The following TIAM2 variants were observed in gnomAD, a reference collection of about 807,000 sequenced individuals.
TIAM2 encodes TIAM Rac1 associated GEF 2, also known as rho guanine nucleotide exchange factor TIAM2.
A neutral mutation model predicts 152.9 loss-of-function variants in TIAM2; 80 were observed. That is an observed-to-expected ratio of 0.52 (90% CI 0.44 to 0.63). The LOEUF (loss-of-function observed/expected upper bound fraction) is 0.63, where lower values mean the gene tolerates loss of function less well. Ranked by LOEUF, TIAM2 falls within the 30% of genes least tolerant of loss-of-function variation. The probability of loss-of-function intolerance (pLI) is 0.00; values close to 1 mark genes in which losing one functional copy is unlikely to be tolerated. For synonymous variants in TIAM2, 804 were observed against 838.0 expected (o/e 0.96, Z 0.70); for missense variants, 1,965 against 2,120.1 (o/e 0.93, Z 1.44).
rs192700703 is a variant in TIAM2 at position 155,187,873 on chromosome 6, C to T, written c.3064+4373C>T. ...GATTACACGTGTGAGTCACTGTGCT[C>T]GGCCGCAAGCCCCATTTTTAACTTG... On this transcript the variant is annotated intron_variant, in intron 14 of 26. Transcript: ENST00000682666. Among the ~76,000 whole-genome samples the T allele has an allele frequency of 4.8e-3, 728 of 152,182 alleles. 8 individuals carry two copies. Among genetic ancestry groups the T allele is most frequent in the African/African-American group, 0.017 (693 of 41,508 alleles).
intron 2 of TIAM2, among the ~76,000 whole-genome samples, chr6:155,126,723 C>T (rs1200124944): frequency 1.3e-5 from 2 of 148,172 alleles, no homozygotes; most frequent in Admixed American, 6.8e-5. Flanking sequence ...AAGAACAAAA[C>T]TCTGTCTCAA....
intron 15 of TIAM2, chr6:155,216,821 T>C (rs1781871137): frequency 1.0e-6 from 1 of 991,808 alleles, no homozygotes; most frequent in Non-Finnish European, 1.3e-6. Flanking sequence ...GGTGCCTTTC[T>C]AGAGCAGGCA....
At chr6:155,066,250 C>G (rs1277005465) in intron 1 of TIAM2, among the ~76,000 whole-genome samples, 1 of 97,480 alleles carries the variant, frequency 1.0e-5, no homozygotes. Flanking sequence ...TTGAAGCCTC[C>G]ACTTCCATCT....
chr6:155,142,418 A>G (rs1263387572), intron 5 of TIAM2, among the ~76,000 whole-genome samples: 1 of 152,130 alleles, frequency 6.6e-6, no homozygotes, highest in Non-Finnish European at 1.5e-5. Context: ...GTTTGCATTC[A>G]TTTCCTCTAG....
At chr6:155,164,312 C>T (rs906807299) in intron 7 of TIAM2, 103 bp from the exon 8 acceptor site, 29 of 1,154,538 alleles carry the variant, frequency 2.5e-5, no homozygotes, top group South Asian at 4.9e-5. Flanking sequence ...GCAGACCAGC[C>T]GAAACTAATT....
chr6:155,255,659 AGTT>A lies in TIAM2; in HGVS notation c.4469-821_4469-819del, dbSNP rs1783956869. ...ACACCTATAACATAAAATTTCAGAA[AGTT>A]GTTTTGAAATTCCAGCAGAGACAGT... On this transcript the variant is annotated intron_variant, in intron 26 of 26. Transcript: ENST00000682666. 3 of 151,760 alleles carry A rather than the reference AGTT, an allele frequency of 2.0e-5. No homozygotes were observed. In the South Asian group the frequency reaches 6.2e-4, roughly 31 times the overall value. 9.4% of individuals were successfully genotyped at this position (151,760 alleles called of 1,614,324 possible).
At chr6:155,099,716 G>C (rs549685458) in intron 2 of TIAM2, among the ~76,000 whole-genome samples, 1 of 152,242 alleles carries the variant, frequency 6.6e-6, no homozygotes, top group Admixed American at 6.5e-5. Flanking sequence ...GATTTGTCTG[G>C]GTTTATCTGA....
rs1010641106 is a variant in TIAM2, at chr6:155,257,527, A to G, written c.*406A>G. 2.8e-5 allele frequency: 10 copies of G among 362,608 alleles called. No individual in the cohort carries two copies. The highest frequency in any genetic ancestry group is 1.9e-4 in the African/African-American group (9 of 47,086). 22.5% of individuals were successfully genotyped at this position (362,608 alleles called of 1,614,324 possible). A position where few individuals can be genotyped will look rare whatever the true frequency, so the allele number is the denominator to read the frequency against. ...TTTTTGCTTTATTTAAAGCATATTT[A>G]AGTTATTTTAATGTGGTTTAGGGGC... On this transcript the variant is annotated 3_prime_UTR_variant, in exon 27 of 27. Coordinates refer to ENST00000682666, the MANE Select transcript of TIAM2 (RefSeq NM_012454.4).
At chr6:155,164,371 A>G (rs1780362171) in intron 7 of TIAM2, 44 bp from the exon 8 acceptor site, 1 of 1,537,168 alleles carries the variant, frequency 6.5e-7, no homozygotes, top group East Asian at 2.3e-5. Context: ...TAACCTGTGA[A>G]AACTTTTAAT....
intron 15 of TIAM2, among the ~76,000 whole-genome samples, chr6:155,215,260 T>C (rs1781825548): frequency 2.0e-5 from 3 of 152,164 alleles, no homozygotes; most frequent in Admixed American, 1.3e-4. Flanking sequence ...AAGCAAAACA[T>C]TTACAAAGTG....
intron 1 of TIAM2, among the ~76,000 whole-genome samples, chr6:155,082,280 C>G (rs961786008): frequency 2.0e-5 from 3 of 152,102 alleles, no homozygotes; most frequent in African/African-American, 7.2e-5. Context: ...GAGGGAGACG[C>G]TGCAGCAAGC....
At chr6:155,007,174 G>A (rs917588777) in intron 1 of TIAM2, among the ~76,000 whole-genome samples, 2 of 152,158 alleles carry the variant, frequency 1.3e-5, no homozygotes, top group Non-Finnish European at 2.9e-5. Context: ...GTGTGGGGGA[G>A]TGGAGTCAAG....
rs919027294 is a variant in TIAM2, at chr6:155,214,466, C to T, written c.3168+3159C>T. Among the ~76,000 whole-genome samples the T allele has an allele frequency of 3.3e-5, 5 of 152,154 alleles. No homozygotes were observed. The highest frequency in any genetic ancestry group is 1.2e-4 in the African/African-American group (5 of 41,430). On this transcript the variant is annotated intron_variant, in intron 15 of 26. Transcript: ENST00000682666. This position sits in a 1 kb window ranked among gnomAD's most constrained non-coding sequence, Gnocchi z 5.4. ...GAAGCAGCTATGGGCTCTCAGCCTCCCCTCTCTTCTCCCTTTCACTTCCTC... is the reference window on the plus strand; with the variant it reads ...GAAGCAGCTATGGGCTCTCAGCCTCTCCTCTCTTCTCCCTTTCACTTCCTC...
At chr6:155,252,067 G>C in intron 23 of TIAM2, 64 bp downstream of exon 23, 1 of 1,354,088 alleles carries the variant, frequency 7.4e-7, no homozygotes, top group Non-Finnish European at 1.0e-6. Context: ...TATTAACGTT[G>C]AACTGAAAAG....
At chr6:155,010,939 G>C (rs1299501022) in intron 1 of TIAM2, among the ~76,000 whole-genome samples, 2 of 151,908 alleles carry the variant, frequency 1.3e-5, no homozygotes, top group Non-Finnish European at 2.9e-5. Context: ...AGCTACTCGG[G>C]AGGCTGAGGC....
intron 1 of TIAM2, among the ~76,000 whole-genome samples, chr6:155,058,511 C>A (rs552110653): frequency 6.6e-6 from 1 of 152,250 alleles, no homozygotes; most frequent in East Asian, 1.9e-4. Flanking sequence ...GAGCCCTTGA[C>A]GTTAATAAAA....
intron 14 of TIAM2, among the ~76,000 whole-genome samples, chr6:155,189,989 TG>T (rs1302940307): frequency 1.3e-5 from 2 of 152,144 alleles, no homozygotes; most frequent in Non-Finnish European, 2.9e-5. Context: ...AGAGGCTGCA[TG>T]TAGAGGTCAC....
chr6:155,189,464 C>T (rs926859288), intron 14 of TIAM2, among the ~76,000 whole-genome samples: 1 of 152,024 alleles, frequency 6.6e-6, no homozygotes, highest in Non-Finnish European at 1.5e-5. Context: ...AGATCGGTTT[C>T]ATTTCCACCA....
rs1778589849 is a variant in TIAM2, at chr6:155,016,536, A to AATTTAAATGTAAATGGTATTTAC, written c.-209+21052_-209+21053insGTAAATGGTATTTACATTTAAAT. ...AAATGGTATTTACATTTAAATGGTA[A>AATTTAAATGTAAATGGTATTTAC]ATTTAAATTTAAATGGTATTTACAT... On this transcript the variant is annotated intron_variant, in intron 1 of 26. Transcript: ENST00000682666. Among the ~76,000 whole-genome samples the AATTTAAATGTAAATGGTATTTAC allele has an allele frequency of 3.5e-5, 4 of 112,844 alleles. 1 individual carries two copies. The highest frequency in any genetic ancestry group is 2.1e-4 in the Admixed American group (2 of 9,512). The allele number at this position is 112,844 out of a possible 152,430, so 74.0% of individuals were successfully genotyped here. A position where few individuals can be genotyped will look rare whatever the true frequency, so the allele number is the denominator to read the frequency against.
Sources: gnomAD v4.1 joint callset for allele counts (sites outside exome capture counted in the v4.1 genomes callset) on GRCh38, gnomAD v4.1.1 for gene constraint, Gnocchi (gnomAD v3.1) non-coding constraint, MANE v1.5 for transcripts, NCBI Gene and HGNC (gene_info 2026-07-23, HGNC 2026-07-21) for gene names.